The following DGKB variants were observed in gnomAD, a reference collection of about 807,000 sequenced individuals.
The protein encoded by DGKB is diacylglycerol kinase beta, also known as 90 kDa diacylglycerol kinase.
DGKB carries 67 observed loss-of-function variants against 114.3 expected under a neutral mutation model. That is an observed-to-expected ratio of 0.59 (90% CI 0.48 to 0.72). The LOEUF (loss-of-function observed/expected upper bound fraction) is 0.72, where lower values mean the gene tolerates loss of function less well. Among genes scored for constraint, DGKB ranks in the 30% least tolerant of loss-of-function variants. The probability of loss-of-function intolerance (pLI) is 0.00; values close to 1 mark genes in which losing one functional copy is unlikely to be tolerated. For missense variants in DGKB, 907 were observed against 975.2 expected (o/e 0.93, Z 0.93); for synonymous variants, 398 against 323.1 (o/e 1.23, Z -2.49).
intron 23 of DGKB, among the ~76,000 whole-genome samples, chr7:14,327,060 A>T (rs1260342280): frequency 6.6e-6 from 1 of 152,180 alleles, no homozygotes; most frequent in Admixed American, 6.6e-5. Flanking sequence ...TTATACCTAT[A>T]GTAATTCATT....
intron 22 of DGKB, among the ~76,000 whole-genome samples, chr7:14,343,961 CTA>C (rs926418275): frequency 2.5e-4 from 36 of 144,772 alleles, no homozygotes; most frequent in African/African-American, 9.0e-4. Context: ...AAATATATAA[CTA>C]AATGTAGTTA....
At chr7:14,390,730 T>C (rs182604140) in intron 21 of DGKB, among the ~76,000 whole-genome samples, 27 of 152,270 alleles carry the variant, frequency 1.8e-4, no homozygotes, top group African/African-American at 6.3e-4. Flanking sequence ...TATTAAGTCT[T>C]GGCATGTATT....
chr7:14,542,521 GAGA>G (rs948444713), intron 20 of DGKB, among the ~76,000 whole-genome samples: 26 of 152,162 alleles, frequency 1.7e-4, no homozygotes, highest in African/African-American at 6.0e-4. Flanking sequence ...CATGATCCTA[GAGA>G]AGAAGATTTT....
At chr7:14,458,607 C>T (rs566762704) in intron 21 of DGKB, among the ~76,000 whole-genome samples, 1 of 152,252 alleles carries the variant, frequency 6.6e-6, no homozygotes, top group South Asian at 2.1e-4. Flanking sequence ...TCAGAGAACT[C>T]CCTCCCATAG....
At chr7:14,184,259 T>C (rs1410032996) in intron 23 of DGKB, among the ~76,000 whole-genome samples, 3 of 151,942 alleles carry the variant, frequency 2.0e-5, no homozygotes, top group Admixed American at 6.6e-5. Context: ...TAGCTAAACT[T>C]TGTAACAATT....
intron 21 of DGKB, among the ~76,000 whole-genome samples, chr7:14,419,253 A>C (rs914144720): frequency 2.6e-5 from 4 of 152,018 alleles, no homozygotes; most frequent in Non-Finnish European, 4.4e-5. Context: ...AATTGAGTGA[A>C]TTCAACTGTT....
intron 23 of DGKB, among the ~76,000 whole-genome samples, chr7:14,182,862 T>C (rs1301586169): frequency 1.3e-5 from 2 of 152,128 alleles, no homozygotes; most frequent in South Asian, 2.1e-4. Context: ...AAACACAGAA[T>C]GAATGTGGGT....
intron 2 of DGKB, among the ~76,000 whole-genome samples, chr7:14,774,126 ATGAC>A (rs1419079956): frequency 6.6e-6 from 1 of 152,164 alleles, no homozygotes; most frequent in Non-Finnish European, 1.5e-5. Flanking sequence ...ATCTGTCTGA[ATGAC>A]TGGGCAGAAA....
At chr7:14,707,292 CAAT>C (rs1826458190) in intron 6 of DGKB, among the ~76,000 whole-genome samples, 1 of 149,516 alleles carries the variant, frequency 6.7e-6, no homozygotes, top group South Asian at 2.2e-4. Flanking sequence ...CTTAATAGAC[CAAT>C]AACAGGAGCT....
rs150199785 is a variant in DGKB, at chr7:14,786,826, G to A, written c.71-29095C>T. Among the ~76,000 whole-genome samples the A allele has an allele frequency of 4.3e-4, 65 of 152,316 alleles. 2 individuals carry two copies. The East Asian group carries it at 0.011, about 26-fold the overall frequency. ...GCCAAGGGGCCACTGAGGATGGCTC[G>A]GCATAGGCCCGCAGGTGCCCCTTTG... is the stretch of plus-strand genomic sequence containing the variant. On this transcript the variant is annotated intron_variant, in intron 2 of 25. Transcript: ENST00000402815.
chr7:14,800,382 G>A (rs995505095), intron 2 of DGKB, among the ~76,000 whole-genome samples: 1 of 152,198 alleles, frequency 6.6e-6, no homozygotes, highest in Non-Finnish European at 1.5e-5. Flanking sequence ...TGCTGGGGAA[G>A]GTGGATCCAC....
intron 13 of DGKB, among the ~76,000 whole-genome samples, chr7:14,631,494 G>C (rs1209581408): frequency 2.0e-5 from 3 of 151,954 alleles, no homozygotes; most frequent in Non-Finnish European, 4.4e-5. Flanking sequence ...TGTAGCTGCA[G>C]ATTTCTAGTC....
intron 1 of DGKB, among the ~76,000 whole-genome samples, chr7:14,917,804 C>A (rs1250320038): frequency 6.6e-6 from 1 of 151,856 alleles, no homozygotes; most frequent in Non-Finnish European, 1.5e-5. Flanking sequence ...TAAATCTGAC[C>A]CTTACAAGAA....
chr7:14,591,614 A>C (rs565774886), intron 17 of DGKB, among the ~76,000 whole-genome samples: 2 of 152,246 alleles, frequency 1.3e-5, no homozygotes, highest in East Asian at 3.9e-4. Context: ...AAGATGAATA[A>C]ATTCTAAGAT....
At chr7:14,572,950 A>G (rs932129632) in intron 20 of DGKB, among the ~76,000 whole-genome samples, 10 of 152,078 alleles carry the variant, frequency 6.6e-5, no homozygotes, top group Admixed American at 3.9e-4. Context: ...TCTTAGAGGC[A>G]GAAAGCCAAT....
chr7:14,230,671 T>C (rs888698158), intron 23 of DGKB, among the ~76,000 whole-genome samples: 4 of 152,132 alleles, frequency 2.6e-5, no homozygotes, highest in South Asian at 2.1e-4. Flanking sequence ...GTTTAAACTT[T>C]AGAATAAGCT....
In DGKB at chr7:14,147,211, C is replaced by G. The variant is rs1781569842; in HGVS notation, c.*1920G>C. The G allele has an allele frequency of 6.6e-6, 1 of 152,108 alleles. No individual in the cohort carries two copies. Among genetic ancestry groups the G allele is most frequent in the African/African-American group, 2.4e-5 (1 of 41,432 alleles). 9.4% of individuals were successfully genotyped at this position (152,108 alleles called of 1,614,324 possible). A position where few individuals can be genotyped will look rare whatever the true frequency, so the allele number is the denominator to read the frequency against. ...TCTTTCTTTCTTTTGGTCTGGATTA[C>G]TCTTCTGCCAAACAACTTTTTTATT... On this transcript the variant is annotated 3_prime_UTR_variant, in exon 26 of 26. Coordinates refer to ENST00000402815, the MANE Select transcript of DGKB (RefSeq NM_001350709.2).
At chr7:14,704,773 G>C (rs1825888755) in intron 6 of DGKB, among the ~76,000 whole-genome samples, 2 of 152,070 alleles carry the variant, frequency 1.3e-5, no homozygotes, top group Admixed American at 6.6e-5. Context: ...CTGTTAGAAG[G>C]AAAACTAACA....
intron 21 of DGKB, among the ~76,000 whole-genome samples, chr7:14,378,159 C>G (rs772055889): frequency 3.3e-4 from 50 of 152,136 alleles, no homozygotes; most frequent in Non-Finnish European, 6.3e-4. Context: ...CCACTGAAAG[C>G]AGGACATATT....
Sources: allele counts gnomAD v4.1 joint callset (sites outside exome capture counted in the v4.1 genomes callset), GRCh38; gene constraint gnomAD v4.1.1; transcripts MANE v1.5; gene names NCBI Gene and HGNC (gene_info 2026-07-23, HGNC 2026-07-21).